The following GCNT2 variants were observed in gnomAD, a reference collection of about 807,000 sequenced individuals.
GCNT2 encodes the protein glucosaminyl (N-acetyl) transferase 2 (I blood group).
Under a neutral mutation model 34.2 loss-of-function variants are expected in GCNT2, and 34 were observed. That is an observed-to-expected ratio of 1.00 (90% CI 0.76 to 1.32). The LOEUF is 1.32. GCNT2 is among the 40% of genes most tolerant of loss of function. The probability of loss-of-function intolerance (pLI) is 0.00; values close to 1 mark genes in which losing one functional copy is unlikely to be tolerated. For missense variants in GCNT2, 584 were observed against 489.4 expected, an observed-to-expected ratio of 1.19 and a Z score of -1.82; for synonymous variants, 212 against 188.0, an observed-to-expected ratio of 1.13 and a Z score of -1.04.
intron 3 of GCNT2, among the ~76,000 whole-genome samples, chr6:10,584,920 A>G (rs775185206): frequency 6.6e-6 from 1 of 152,010 alleles, no homozygotes; most frequent in Non-Finnish European, 1.5e-5. Context: ...ACTTCATCAT[A>G]TGATATCAAC....
intron 2 of GCNT2, chr6:10,528,371 G>A (rs530755687): frequency 5.8e-6 from 1 of 172,864 alleles, no homozygotes; most frequent in East Asian, 1.4e-4. Flanking sequence ...TCTCCAGGCA[G>A]TATTCACATG....
intron 3 of GCNT2, among the ~76,000 whole-genome samples, chr6:10,548,225 C>A (rs749252443): frequency 2.0e-4 from 30 of 152,264 alleles, no homozygotes; most frequent in Non-Finnish European, 4.3e-4. Flanking sequence ...CAGAATGAGA[C>A]CCTATCTCTA....
At chr6:10,551,006 C>G (rs114852455) in intron 3 of GCNT2, among the ~76,000 whole-genome samples, 1 of 152,192 alleles carries the variant, frequency 6.6e-6, no homozygotes, top group Non-Finnish European at 1.5e-5. Context: ...GTCACCCTCC[C>G]AGTGTTAAAC....
At chr6:10,626,058 A>G (rs752236464) in intron 4 of GCNT2, among the ~76,000 whole-genome samples, 84 of 152,342 alleles carry the variant, frequency 5.5e-4, no homozygotes, top group Non-Finnish European at 1.0e-3. Flanking sequence ...GCAAAACTGC[A>G]GATAAGGGGG....
intron 3 of GCNT2, among the ~76,000 whole-genome samples, chr6:10,594,461 G>A (rs1216873187): frequency 3.2e-4 from 49 of 152,154 alleles, no homozygotes; most frequent in Admixed American, 3.2e-3. Context: ...TCTGGAGTGA[G>A]ACAAATGCAA....
intron 3 of GCNT2, among the ~76,000 whole-genome samples, chr6:10,591,580 C>T (rs1436135556): frequency 6.6e-6 from 1 of 152,224 alleles, no homozygotes; most frequent in Non-Finnish European, 1.5e-5. Flanking sequence ...GAGAAAGTCA[C>T]AGCAGGCGGC....
intron 3 of GCNT2, among the ~76,000 whole-genome samples, chr6:10,562,667 A>AC (rs1763051070): frequency 6.7e-6 from 1 of 149,456 alleles, no homozygotes; most frequent in African/African-American, 2.5e-5. Flanking sequence ...AAAAAAAAAA[A>AC]AAAAAAAAAA....
intron 3 of GCNT2, among the ~76,000 whole-genome samples, chr6:10,598,377 T>A (rs952184737): frequency 1.3e-5 from 2 of 152,166 alleles, no homozygotes; most frequent in African/African-American, 4.8e-5. Context: ...CTCCCCCTTC[T>A]CCCTCTCCAC....
At position 10,586,538 on chromosome 6, in the gene GCNT2, C is replaced by A. The variant is rs758301903; in HGVS notation, c.926-34813C>A. ...AAGACCTTGTCGCCTCTGAGGTTCCCTGGAAGTACGTCATCAACACCTGTG... is the reference window on the plus strand; with the variant it reads ...AAGACCTTGTCGCCTCTGAGGTTCCATGGAAGTACGTCATCAACACCTGTG... On this transcript the variant is annotated intron_variant, in intron 3 of 4. Coordinates refer to ENST00000495262, the MANE Select transcript of GCNT2 (RefSeq NM_145649.5). 1.9e-6 allele frequency: 3 copies of A among 1,614,146 alleles called. No homozygotes were observed. In the Admixed American group the frequency reaches 5.0e-5, roughly 27 times the overall value.
intron 1 of GCNT2, 176 bp from the exon 2 acceptor site, chr6:10,527,298 G>A (rs953975960): frequency 1.3e-5 from 2 of 152,204 alleles, no homozygotes; most frequent in Admixed American, 1.3e-4. Flanking sequence ...GGTGGCAGGT[G>A]TCTGTAATTC....
chr6:10,586,173 G>C (rs1480239920), intron 3 of GCNT2: 3 of 1,614,016 alleles, frequency 1.9e-6, no homozygotes, highest in Admixed American at 1.7e-5. Flanking sequence ...CTTTTTGTGG[G>C]AAAATATATT....
At chr6:10,530,969 G>A (rs1432510858) in intron 3 of GCNT2, among the ~76,000 whole-genome samples, 2 of 150,910 alleles carry the variant, frequency 1.3e-5, no homozygotes, top group Non-Finnish European at 2.9e-5. Flanking sequence ...CAGTAGAATC[G>A]CTTGAACCCA....
chr6:10,534,139 C>CTTTTTTTTTTTTTTTTTTT (rs1491129469), intron 3 of GCNT2, among the ~76,000 whole-genome samples: 2,648 of 122,982 alleles, frequency 0.022, 522 homozygotes, highest in South Asian at 0.043. Flanking sequence ...TTCCATGCTG[C>CTTTTTTTTTTTTTTTTTTT]TCTTTTTTTT....
intron 3 of GCNT2, among the ~76,000 whole-genome samples, chr6:10,537,086 A>G (rs1310400419): frequency 6.6e-6 from 1 of 152,132 alleles, no homozygotes; most frequent in African/African-American, 2.4e-5. Context: ...TTCTCAGGGA[A>G]ACAGTTTCTT....
At chr6:10,594,835 C>T (rs1257003922) in intron 3 of GCNT2, among the ~76,000 whole-genome samples, 2 of 151,686 alleles carry the variant, frequency 1.3e-5, no homozygotes, top group Non-Finnish European at 2.9e-5. Flanking sequence ...TTGACATGTT[C>T]AGGTGGATAC....
At chr6:10,616,107 T>C (rs1765747439) in intron 3 of GCNT2, among the ~76,000 whole-genome samples, 1 of 152,216 alleles carries the variant, frequency 6.6e-6, no homozygotes, top group African/African-American at 2.4e-5. Context: ...TGTTTGGATG[T>C]GTTCAGAGTT....
chr6:10,553,616 GGGCGTGGT>G (rs1356511360), intron 3 of GCNT2, among the ~76,000 whole-genome samples: 8 of 152,160 alleles, frequency 5.3e-5, no homozygotes, highest in African/African-American at 1.2e-4. Context: ...TAAATAGGCC[GGGCGTGGT>G]GGCTCACGCC....
rs778716190 is a variant in GCNT2 at position 10,529,086 on chromosome 6, T to C, written c.175T>C (p.Tyr59His). The C allele has an allele frequency of 6.2e-7, 1 of 1,614,130 alleles. No individual in the cohort carries two copies. The highest frequency in any genetic ancestry group is 1.1e-5 in the South Asian group (1 of 91,086). ...CHQIFEGKVF[Y>H]PTENALKTTL... ...TCAGATTTTTGAGGGGAAAGTTTTTTACCCAACAGAAAATGCATTGAAAAC... is the reference window on the plus strand; with the variant it reads ...TCAGATTTTTGAGGGGAAAGTTTTTCACCCAACAGAAAATGCATTGAAAAC... The change falls in exon 3 of 5, where the codon TAC becomes CAC. Residue 59 changes from tyrosine (Y) to histidine (H), a missense_variant. Physicochemically the swap from Tyr to His is moderately conservative, Grantham distance 83 (BLOSUM62 2). Transcript: ENST00000495262.
In GCNT2 at chr6:10,621,453, T is replaced by G; in HGVS notation, c.1018+10T>G. On this transcript the variant is annotated intron_variant, in intron 4 of 4. Coordinates refer to ENST00000495262, the MANE Select transcript of GCNT2 (RefSeq NM_145649.5). ...CACGGAGGCTGCCACGGTGAGGCTCTCGTTCCATGCTTCTAGGCCACTGCC... is the reference window on the plus strand; with the variant it reads ...CACGGAGGCTGCCACGGTGAGGCTCGCGTTCCATGCTTCTAGGCCACTGCC... 2 of 1,568,108 alleles carry G rather than the reference T, an allele frequency of 1.3e-6. No homozygotes were observed. The highest frequency in any genetic ancestry group is 1.8e-6 in the Non-Finnish European group (2 of 1,138,410).
Sources: gnomAD v4.1 joint callset for allele counts (sites outside exome capture counted in the v4.1 genomes callset) on GRCh38, gnomAD v4.1.1 for gene constraint, MANE v1.5 for transcripts, NCBI Gene and HGNC (gene_info 2026-07-23, HGNC 2026-07-21) for gene names.